The following CTNNA3 variants were observed in gnomAD, a reference collection of about 807,000 sequenced individuals.
CTNNA3 encodes catenin alpha 3.
Under a neutral mutation model 95.7 loss-of-function variants are expected in CTNNA3, and 76 were observed. That is an observed-to-expected ratio of 0.79 (90% CI 0.66 to 0.96). CTNNA3 has a LOEUF of 0.96. CTNNA3 is among the 40% of genes least tolerant of loss of function. The probability of loss-of-function intolerance (pLI) is 0.00; values close to 1 mark genes in which losing one functional copy is unlikely to be tolerated. For synonymous variants in CTNNA3, 431 were observed against 374.4 expected (o/e 1.15, Z -1.74); for missense variants, 1,191 against 1,089.8 (o/e 1.09, Z -1.31).
chr10:67,182,279 G>A (rs1308467540), intron 6 of CTNNA3, among the ~76,000 whole-genome samples: 2 of 152,128 alleles, frequency 1.3e-5, no homozygotes, highest in African/African-American at 4.8e-5. Context: ...CACGCTACCT[G>A]ACTTTAAACT....
intron 15 of CTNNA3, among the ~76,000 whole-genome samples, chr10:66,005,594 T>C (rs889186631): frequency 1.3e-5 from 2 of 152,094 alleles, no homozygotes; most frequent in African/African-American, 4.8e-5. Flanking sequence ...ACACTTTATG[T>C]GTCTGGTGCT....
intron 11 of CTNNA3, among the ~76,000 whole-genome samples, chr10:66,481,783 A>T (rs2131903926): frequency 6.6e-6 from 1 of 152,272 alleles, no homozygotes; most frequent in South Asian, 2.1e-4. Context: ...GCATTAAAAT[A>T]TCAAACACTA....
intron 9 of CTNNA3, among the ~76,000 whole-genome samples, chr10:66,723,415 A>G (rs1848688490): frequency 6.6e-6 from 1 of 151,958 alleles, no homozygotes; most frequent in Admixed American, 6.6e-5. Context: ...AACACTCTAA[A>G]TTGTACCCTT....
chr10:66,400,197 G>C (rs562998111), intron 11 of CTNNA3, among the ~76,000 whole-genome samples: 1 of 151,822 alleles, frequency 6.6e-6, no homozygotes, highest in Non-Finnish European at 1.5e-5. Context: ...AAATAGAAAA[G>C]AAGAATACAA....
At chr10:66,257,748 G>T (rs951155468) in intron 13 of CTNNA3, among the ~76,000 whole-genome samples, 10 of 152,124 alleles carry the variant, frequency 6.6e-5, no homozygotes, top group African/African-American at 2.4e-4. Flanking sequence ...TTGCACCCAT[G>T]CAACTGACCT....
chr10:66,901,231 T>C (rs142528504), intron 7 of CTNNA3, among the ~76,000 whole-genome samples: 169 of 152,188 alleles, frequency 1.1e-3, no homozygotes, highest in African/African-American at 3.9e-3. Flanking sequence ...ATTCAACATT[T>C]AAAGAAAAGA....
chr10:66,071,798 G>A (rs1053114328), intron 14 of CTNNA3, among the ~76,000 whole-genome samples: 1 of 152,110 alleles, frequency 6.6e-6, no homozygotes, highest in Non-Finnish European at 1.5e-5. Flanking sequence ...GATGTTAACT[G>A]TCAACCATTA....
intron 7 of CTNNA3, among the ~76,000 whole-genome samples, chr10:67,058,919 A>T (rs1400132697): frequency 6.6e-6 from 1 of 152,184 alleles, no homozygotes; most frequent in African/African-American, 2.4e-5. Context: ...GCAGGCGTCA[A>T]GGACATTGTA....
At chr10:66,295,969 T>C (rs2091771222) in intron 12 of CTNNA3, among the ~76,000 whole-genome samples, 1 of 152,238 alleles carries the variant, frequency 6.6e-6, no homozygotes, top group Admixed American at 6.5e-5. Flanking sequence ...GATGATTTCC[T>C]TAGTCTTTCT....
intron 17 of CTNNA3, among the ~76,000 whole-genome samples, chr10:65,955,716 C>G (rs201935820): frequency 6.6e-6 from 1 of 152,228 alleles, no homozygotes; most frequent in African/African-American, 2.4e-5. Flanking sequence ...GTTGAACCAG[C>G]GTTTCATCCC....
At chr10:66,032,274 A>G (rs2079464816) in intron 15 of CTNNA3, among the ~76,000 whole-genome samples, 1 of 152,164 alleles carries the variant, frequency 6.6e-6, no homozygotes, top group Admixed American at 6.5e-5. Context: ...CTAACTAACA[A>G]ACATTGTTTT....
At chr10:67,553,761 CTT>C (rs925212281) in intron 3 of CTNNA3, among the ~76,000 whole-genome samples, 1 of 147,360 alleles carries the variant, frequency 6.8e-6, no homozygotes, top group African/African-American at 2.5e-5. Flanking sequence ...TTTTTCTTTT[CTT>C]TTTTTTTTAA....
intron 7 of CTNNA3, among the ~76,000 whole-genome samples, chr10:67,062,959 G>C (rs1416492168): frequency 6.6e-6 from 1 of 152,028 alleles, no homozygotes; most frequent in Non-Finnish European, 1.5e-5. Context: ...CATATGCTGA[G>C]AGTTAATCGT....
At position 66,865,213 on chromosome 10, in the gene CTNNA3, C is replaced by T. The variant is rs3055784; in HGVS notation, c.1048-89689G>A. Among the ~76,000 whole-genome samples, 743 of 143,910 alleles carry T rather than the reference C, an allele frequency of 5.2e-3. 13 individuals carry two copies. The East Asian group carries it at 0.055, about 11-fold the overall frequency. The allele number at this position is 143,910 out of a possible 152,430, so 94.4% of individuals were successfully genotyped here. On this transcript the variant is annotated intron_variant, in intron 7 of 17. Coordinates refer to ENST00000433211, the MANE Select transcript of CTNNA3 (RefSeq NM_013266.4). ...AACAGGCATGGGGTGTGTGTGTGTG[C>T]GTGTGTGTGTGTGTGTGTGTGTGTG...
At chr10:66,091,862 A>G (rs1011494657) in intron 14 of CTNNA3, among the ~76,000 whole-genome samples, 3 of 151,976 alleles carry the variant, frequency 2.0e-5, no homozygotes, top group African/African-American at 7.2e-5. Flanking sequence ...CAAGTAATAC[A>G]TAAAACTTCA....
In CTNNA3 at chr10:66,283,002, G is replaced by C. The variant is rs116534201; in HGVS notation, c.1733-2381C>G. ...TGTGATTTTGGTTTTGTTAACAACTGAAAAGCTCCAAAAATATATTTATGC... is the reference window on the plus strand; with the variant it reads ...TGTGATTTTGGTTTTGTTAACAACTCAAAAGCTCCAAAAATATATTTATGC... On this transcript the variant is annotated intron_variant, in intron 12 of 17. Coordinates refer to ENST00000433211, the MANE Select transcript of CTNNA3 (RefSeq NM_013266.4). Among the ~76,000 whole-genome samples, 319 of 151,924 alleles carry C rather than the reference G, an allele frequency of 2.1e-3. 2 individuals carry two copies. The highest frequency in any genetic ancestry group is 7.4e-3 in the African/African-American group (307 of 41,488).
intron 5 of CTNNA3, among the ~76,000 whole-genome samples, chr10:67,467,263 G>A (rs1301749946): frequency 1.3e-5 from 2 of 152,184 alleles, no homozygotes; most frequent in African/African-American, 4.8e-5. Context: ...AGCATGGCTA[G>A]TTAAGTTTTT....
At chr10:67,487,411 G>T (rs952266) in intron 5 of CTNNA3, among the ~76,000 whole-genome samples, 3,220 of 152,266 alleles carry the variant, frequency 0.021, 103 homozygotes, top group African/African-American at 0.068. Context: ...CCACGGAAGA[G>T]TGTGTACGTG....
At chr10:66,780,891 C>T (rs10437375) in intron 7 of CTNNA3, among the ~76,000 whole-genome samples, 114,313 of 152,090 alleles carry the variant, frequency 0.75, 43,158 homozygotes, top group Admixed American at 0.79. Flanking sequence ...ATATTCCTTT[C>T]TAACTTTAAA....
Sources: allele counts gnomAD v4.1 joint callset (sites outside exome capture counted in the v4.1 genomes callset), GRCh38; gene constraint gnomAD v4.1.1; transcripts MANE v1.5; gene names NCBI Gene and HGNC (gene_info 2026-07-23, HGNC 2026-07-21).